The following MED13 variants were observed in gnomAD, a reference collection of about 807,000 sequenced individuals.
MED13 encodes mediator complex subunit 13.
In MED13, 23 loss-of-function variants were observed where a neutral mutation model predicts 225.2. The ratio of observed to expected loss-of-function variants is 0.10; its 90% CI spans 0.07 to 0.14. The LOEUF (loss-of-function observed/expected upper bound fraction) is 0.14. Ranked by LOEUF, MED13 falls within the 10% of genes least tolerant of loss-of-function variation. The pLI, the probability that MED13 is intolerant of heterozygous loss-of-function variation, is 1.00. For missense variants in MED13, 2,197 were observed against 2,594.5 expected (o/e 0.85, Z 3.33); for synonymous variants, 942 against 889.2 (o/e 1.06, Z -1.06).
At position 62,010,705 on chromosome 17, in the gene MED13, T is replaced by C. The variant is rs776142929; in HGVS notation, c.1812A>G (p.Val604=). 1.9e-6 allele frequency: 3 copies of C among 1,571,440 alleles called. No individual in the cohort carries two copies. Among genetic ancestry groups the C allele is most frequent in the South Asian group, 2.3e-5 (2 of 85,532 alleles). ...VEPTVYVGTA[V]NLEEDEANIA... Reference sequence around the variant, plus strand: ...TATTGGCTTCATCTTCTTCCAAGTTTACTGCTGTACCAACATATACTGTAG... The same window carrying C: ...TATTGGCTTCATCTTCTTCCAAGTTCACTGCTGTACCAACATATACTGTAG... The change falls in exon 9 of 30, where the codon GTA becomes GTG. Residue 604 remains valine, a synonymous_variant. Coordinates refer to ENST00000397786, the MANE Select transcript of MED13 (RefSeq NM_005121.3).
intron 2 of MED13, among the ~76,000 whole-genome samples, chr17:62,055,474 G>A (rs1453930147): frequency 6.6e-6 from 1 of 151,986 alleles, no homozygotes; most frequent in Non-Finnish European, 1.5e-5. Flanking sequence ...AAAATTTTAT[G>A]GTTTTATTTT....
intron 8 of MED13, among the ~76,000 whole-genome samples, chr17:62,013,889 A>C (rs1336154026): frequency 6.6e-6 from 1 of 152,070 alleles, no homozygotes; most frequent in Non-Finnish European, 1.5e-5. Flanking sequence ...AAACACAAAA[A>C]TTAGCTGGGC....
intron 2 of MED13, among the ~76,000 whole-genome samples, chr17:62,056,987 G>C (rs1012417472): frequency 6.6e-6 from 1 of 151,802 alleles, no homozygotes; most frequent in East Asian, 1.9e-4. Context: ...CAAAGTATGT[G>C]ATAAGTCATC....
intron 12 of MED13, among the ~76,000 whole-genome samples, chr17:61,986,462 A>C (rs2080248645): frequency 6.6e-6 from 1 of 152,190 alleles, no homozygotes; most frequent in South Asian, 2.1e-4. Context: ...TTTAAGCTTT[A>C]ATTTCTTTTA....
chr17:61,973,403 T>C (rs1430426381), intron 16 of MED13, among the ~76,000 whole-genome samples: 2 of 152,170 alleles, frequency 1.3e-5, no homozygotes, highest in Non-Finnish European at 2.9e-5. Flanking sequence ...AAGTATATTA[T>C]CCATAAATAT....
In MED13 at chr17:61,965,222, G is replaced by A; in HGVS notation, c.4628C>T (p.Ser1543Phe). 1.2e-6 allele frequency: 2 copies of A among 1,614,138 alleles called. No individual in the cohort carries two copies. The highest frequency in any genetic ancestry group is 1.7e-6 in the Non-Finnish European group (2 of 1,179,970). Reference sequence around the variant, plus strand: ...TGATACTCCACTATTCAAGTTGGAGGATGATGAAGATGAAGTTGAAGCTGT... The same window carrying A: ...TGATACTCCACTATTCAAGTTGGAGAATGATGAAGATGAAGTTGAAGCTGT... ...LTTASTSSSS[S>F]SNLNSGVSSN... The change falls in exon 20 of 30, where the codon TCC (serine) becomes TTC (phenylalanine). Residue 1543 changes from serine (S) to phenylalanine (F), a missense_variant. This residue lies in a region of MED13 where 457 missense variants were observed against 442.2 expected (regional missense o/e 1.03). Transcript: ENST00000397786.
chr17:62,016,079 C>T (rs1314936880), intron 8 of MED13, among the ~76,000 whole-genome samples: 1 of 139,992 alleles, frequency 7.1e-6, no homozygotes, highest in Non-Finnish European at 1.5e-5. Context: ...GCTGGGATTA[C>T]AGGCATGAGC....
chr17:61,966,892 T>A (rs1416563453), intron 18 of MED13, among the ~76,000 whole-genome samples: 1 of 152,090 alleles, frequency 6.6e-6, no homozygotes, highest in African/African-American at 2.4e-5. Context: ...TTTTCAAAAT[T>A]AAAATATCTC....
chr17:62,002,032 AATAG>A lies in MED13; in HGVS notation c.1968-6671_1968-6668del, dbSNP rs373815133. Among the ~76,000 whole-genome samples, 99 of 152,328 alleles carry A rather than the reference AATAG, an allele frequency of 6.5e-4. 3 individuals are homozygous for A. The highest frequency in any genetic ancestry group is 2.3e-3 in the African/African-American group (94 of 41,570). On this transcript the variant is annotated intron_variant, in intron 9 of 29. Coordinates refer to ENST00000397786, the MANE Select transcript of MED13 (RefSeq NM_005121.3). ...AAAACTCAAAGAATGGAAAAATAAT[AATAG>A]ATATTTACAATGACTAGGTGACAGA...
At chr17:62,060,689 G>A (rs558687158) in intron 2 of MED13, among the ~76,000 whole-genome samples, 2 of 147,830 alleles carry the variant, frequency 1.4e-5, no homozygotes, top group East Asian at 2.0e-4. Flanking sequence ...TTTCATTCAC[G>A]TTCAAGATCA....
At position 61,965,274 on chromosome 17, in the gene MED13, C is replaced by T; in HGVS notation, c.4576G>A (p.Val1526Ile). The T allele has an allele frequency of 6.2e-7, 1 of 1,614,232 alleles. No homozygotes were observed. The highest frequency in any genetic ancestry group is 1.1e-5 in the South Asian group (1 of 91,090). The change falls in exon 20 of 30, where the codon GTT (valine) becomes ATT (isoleucine). Residue 1526 changes from valine (V) to isoleucine (I), a missense_variant. Val to Ile is a conservative substitution (Grantham distance 29). Transcript: ENST00000397786. ...VTSGVAISTS[V>I]ATANSTLTTA... is the part of the protein sequence containing the mutation. ...GTCAAAGTTGAATTAGCTGTGGCAA[C>T]TGAAGTAGATATGGCAACACCTGAA... is the stretch of plus-strand genomic sequence containing the variant.
At chr17:62,042,528 C>T (rs1336362283) in intron 3 of MED13, among the ~76,000 whole-genome samples, 2 of 143,490 alleles carry the variant, frequency 1.4e-5, no homozygotes, top group Non-Finnish European at 3.0e-5. Flanking sequence ...CGCCACTGCA[C>T]TCCAGCCTGG....
At chr17:62,035,943 A>AT (rs796867327) in intron 3 of MED13, among the ~76,000 whole-genome samples, 124 of 149,944 alleles carry the variant, frequency 8.3e-4, no homozygotes, top group Middle Eastern at 3.4e-3. Context: ...AGTAGGGTCA[A>AT]TTTTTTTTTT....
In MED13 at chr17:62,063,078, T is replaced by C; in HGVS notation, c.290A>G (p.His97Arg). Reference sequence around the variant, plus strand: ...AAAGTTTCTTTCACCTGATAAGTCATGGTGAATAAGGTCAGCAAAACTGGG... The same window carrying C: ...AAAGTTTCTTTCACCTGATAAGTCACGGTGAATAAGGTCAGCAAAACTGGG... ...EDPSFADLIH[H>R]DLSEEEDGVW... is the part of the protein sequence containing the mutation. The change falls in exon 2 of 30, where the codon CAT becomes CGT. Residue 97 changes from histidine (H) to arginine (R), a missense_variant. His to Arg is a conservative substitution (Grantham distance 29). This residue lies in a region of MED13 where 884 missense variants were observed against 918.5 expected (regional missense o/e 0.96). Transcript: ENST00000397786. 3.7e-6 allele frequency: 6 copies of C among 1,612,078 alleles called. No individual in the cohort carries two copies. The highest frequency in any genetic ancestry group is 4.2e-6 in the Non-Finnish European group (5 of 1,178,214).
chr17:62,028,779 A>C (rs948852452), intron 8 of MED13, among the ~76,000 whole-genome samples: 2 of 151,844 alleles, frequency 1.3e-5, no homozygotes, highest in African/African-American at 4.8e-5. Flanking sequence ...CGGGAGGTGG[A>C]GCTTGCAGTG....
At chr17:62,059,740 A>G (rs2143779931) in intron 2 of MED13, among the ~76,000 whole-genome samples, 1 of 152,260 alleles carries the variant, frequency 6.6e-6, no homozygotes, top group East Asian at 1.9e-4. Context: ...CTGTCCCTAG[A>G]GCAAAGAAAA....
chr17:62,025,536 G>A (rs983748395), intron 8 of MED13, among the ~76,000 whole-genome samples: 3 of 152,120 alleles, frequency 2.0e-5, no homozygotes, highest in African/African-American at 7.2e-5. Flanking sequence ...CAGGTATGGT[G>A]GCGCGTGCCT....
At chr17:62,035,379 A>G in intron 4 of MED13, 84 bp downstream of exon 4, 1 of 1,160,304 alleles carries the variant, frequency 8.6e-7, no homozygotes, top group Non-Finnish European at 1.2e-6. Flanking sequence ...GGGGAATTCC[A>G]TCAATCCCCA....
intron 16 of MED13, among the ~76,000 whole-genome samples, chr17:61,980,697 T>G (rs1020079297): frequency 6.6e-6 from 1 of 152,132 alleles, no homozygotes; most frequent in Admixed American, 6.5e-5. Flanking sequence ...TCCAACTGAT[T>G]TATCCTGCTT....
Sources: allele counts gnomAD v4.1 joint callset (sites outside exome capture counted in the v4.1 genomes callset), GRCh38; gene constraint gnomAD v4.1.1; regional missense constraint gnomAD v4.1.1; transcripts MANE v1.5; gene names NCBI Gene and HGNC (gene_info 2026-07-23, HGNC 2026-07-21).